The following ADORA2B variants were observed in gnomAD, a reference collection of about 807,000 sequenced individuals.
ADORA2B encodes the protein adenosine A2b receptor, also known as adenosine receptor A2b.
ADORA2B carries 18 observed loss-of-function variants against 20.8 expected under a neutral mutation model. The observed-to-expected ratio is 0.87, with a 90% CI of 0.60 to 1.29. The LOEUF (loss-of-function observed/expected upper bound fraction) is 1.29. Among genes scored for constraint, ADORA2B ranks in the 50% most tolerant of loss-of-function variants. The pLI is 0.00. For synonymous variants in ADORA2B, 179 were observed against 178.3 expected, an observed-to-expected ratio of 1.00 and a Z score of -0.03; for missense variants, 441 against 422.7, an observed-to-expected ratio of 1.04 and a Z score of -0.38.
the ADORA2B span, among the ~76,000 whole-genome samples, chr17:15,923,900 T>G: frequency 1.3e-5 from 2 of 152,156 alleles, no homozygotes; most frequent in Admixed American, 1.3e-4. Flanking sequence ...CTTTGTTTTT[T>G]TTGTTGTTGT....
At chr17:15,916,658 A>G in the ADORA2B span, among the ~76,000 whole-genome samples, 9 of 152,340 alleles carry the variant, frequency 5.9e-5, no homozygotes, top group Non-Finnish European at 1.0e-4. Flanking sequence ...TCAGGGGTCA[A>G]TCTTTAATTA....
At chr17:15,951,485 C>G (rs1167870884) in intron 1 of ADORA2B, among the ~76,000 whole-genome samples, 1 of 152,216 alleles carries the variant, frequency 6.6e-6, no homozygotes, top group Non-Finnish European at 1.5e-5. Context: ...ACAGTCCTCC[C>G]AACTCCACTT....
chr17:15,856,959 A>T, the ADORA2B span, among the ~76,000 whole-genome samples: 17 of 152,222 alleles, frequency 1.1e-4, no homozygotes, highest in Non-Finnish European at 2.9e-5. Flanking sequence ...GTGGGAAAAA[A>T]TGTCCCCAGG....
the ADORA2B span, among the ~76,000 whole-genome samples, chr17:15,876,997 A>C: frequency 2.6e-5 from 4 of 152,208 alleles, no homozygotes; most frequent in African/African-American, 9.6e-5. Context: ...AAGTGAAATC[A>C]TATAGTATTT....
the ADORA2B span, among the ~76,000 whole-genome samples, chr17:15,876,191 T>C: frequency 6.6e-6 from 1 of 152,240 alleles, no homozygotes; most frequent in African/African-American, 2.4e-5. Flanking sequence ...TTTACCCTAA[T>C]GCTTGATGGT....
chr17:15,941,761 ACT>A, upstream of ADORA2B, among the ~76,000 whole-genome samples: 1 of 150,566 alleles, frequency 6.6e-6, no homozygotes, highest in East Asian at 1.9e-4. Flanking sequence ...AAATGCCATG[ACT>A]CTCTTCGGAT....
chr17:15,878,781 T>A, the ADORA2B span, among the ~76,000 whole-genome samples: 11 of 152,316 alleles, frequency 7.2e-5, no homozygotes, highest in African/African-American at 2.2e-4. Context: ...TGAGTTTTTT[T>A]AAATCCAGAA....
At chr17:15,934,611 T>A in the ADORA2B span, among the ~76,000 whole-genome samples, 1 of 152,314 alleles carries the variant, frequency 6.6e-6, no homozygotes, top group Non-Finnish European at 1.5e-5. Flanking sequence ...TGTACCTTTT[T>A]AATTCTCTTG....
chr17:15,919,111 A>G, the ADORA2B span, among the ~76,000 whole-genome samples: 1 of 152,204 alleles, frequency 6.6e-6, no homozygotes, highest in Admixed American at 6.5e-5. Flanking sequence ...GATACACTCC[A>G]GATGCAGTGT....
At chr17:15,854,335 C>G in the ADORA2B span, among the ~76,000 whole-genome samples, 1 of 152,130 alleles carries the variant, frequency 6.6e-6, no homozygotes, top group Non-Finnish European at 1.5e-5. Flanking sequence ...AAACCAACCA[C>G]AGTTAATTTA....
chr17:15,945,067 C>T (rs1969780624), upstream of ADORA2B: 1 of 410,740 alleles, frequency 2.4e-6, no homozygotes, highest in Non-Finnish European at 4.0e-6. Flanking sequence ...TGGGTGCCGC[C>T]TCTTGGCCGC....
At chr17:15,920,403 A>G in the ADORA2B span, among the ~76,000 whole-genome samples, 1 of 152,202 alleles carries the variant, frequency 6.6e-6, no homozygotes, top group Non-Finnish European at 1.5e-5. Context: ...CCCTTATGAC[A>G]TAGCAATGAT....
the ADORA2B span, among the ~76,000 whole-genome samples, chr17:15,856,718 GCAAAGAGA>G: frequency 6.6e-6 from 1 of 152,214 alleles, no homozygotes. Flanking sequence ...CTGTCTTTTA[GCAAAGAGA>G]CTGATGGCAT....
At chr17:15,887,608 A>G in the ADORA2B span, among the ~76,000 whole-genome samples, 5 of 128,258 alleles carry the variant, frequency 3.9e-5, 1 homozygote, top group Non-Finnish European at 1.6e-5. Flanking sequence ...TCAGAGTAGT[A>G]ATGACATTGA....
chr17:15,920,676 G>A, the ADORA2B span, among the ~76,000 whole-genome samples: 13 of 150,222 alleles, frequency 8.7e-5, no homozygotes, highest in South Asian at 2.1e-3. Context: ...AGCCAAGATC[G>A]TGCCACTGCA....
chr17:15,900,270 A>G, the ADORA2B span, among the ~76,000 whole-genome samples: 1 of 152,096 alleles, frequency 6.6e-6, no homozygotes, highest in Non-Finnish European at 1.5e-5. Flanking sequence ...TTGGATATAT[A>G]CCCAGTAATG....
At chr17:15,933,964 T>C in the ADORA2B span, among the ~76,000 whole-genome samples, 2 of 152,292 alleles carry the variant, frequency 1.3e-5, no homozygotes, top group African/African-American at 2.4e-5. Flanking sequence ...TCTTTTATCA[T>C]TGAATACGCT....
At chr17:15,862,657 C>A in the ADORA2B span, among the ~76,000 whole-genome samples, 1 of 151,956 alleles carries the variant, frequency 6.6e-6, no homozygotes, top group East Asian at 1.9e-4. Flanking sequence ...GTTCAGCTTA[C>A]CTTTGGTATC....
intron 1 of ADORA2B, among the ~76,000 whole-genome samples, chr17:15,966,595 T>C (rs1171793085): frequency 6.6e-6 from 1 of 152,244 alleles, no homozygotes; most frequent in African/African-American, 2.4e-5. Context: ...GTGTTCACGC[T>C]GTTTCCTTTT....
Sources: gnomAD v4.1 joint callset for allele counts (sites outside exome capture counted in the v4.1 genomes callset) on GRCh38, gnomAD v4.1.1 for gene constraint, MANE v1.5 for transcripts, NCBI Gene and HGNC (gene_info 2026-07-23, HGNC 2026-07-21) for gene names.